PAPSS2: variants seen among roughly 807,000 people sequenced by gnomAD.
The protein encoded by PAPSS2 is bifunctional 3'-phosphoadenosine 5'-phosphosulfate synthase 2.
In PAPSS2, 61 loss-of-function variants were observed where a neutral mutation model predicts 66.5. The ratio of observed to expected loss-of-function variants is 0.92; its 90% confidence interval spans 0.75 to 1.14. PAPSS2 has a LOEUF of 1.14. Among genes scored for constraint, PAPSS2 ranks in the 50% most tolerant of loss-of-function variants. PAPSS2 has a pLI of 0.00. For synonymous variants in PAPSS2, 289 were observed against 287.5 expected (o/e 1.01, Z -0.05); for missense variants, 708 against 789.6 (o/e 0.90, Z 1.24).
At chr10:87,739,309 A>G (rs1433252486) in intron 9 of PAPSS2, among the ~76,000 whole-genome samples, 1 of 152,146 alleles carries the variant, frequency 6.6e-6, no homozygotes, top group Non-Finnish European at 1.5e-5. Flanking sequence ...GTCAAAGATT[A>G]TTTTTAAAAA....
chr10:87,694,719 A>T (rs1342250299), intron 1 of PAPSS2, among the ~76,000 whole-genome samples: 1 of 152,226 alleles, frequency 6.6e-6, no homozygotes, highest in Non-Finnish European at 1.5e-5. Flanking sequence ...TCTGTGGTTT[A>T]TAGGAAGTGA....
chr10:87,742,814 T>A (rs139518391), intron 10 of PAPSS2, among the ~76,000 whole-genome samples: 69 of 152,344 alleles, frequency 4.5e-4, no homozygotes, highest in Middle Eastern at 3.4e-3. Flanking sequence ...TGGCAACAAA[T>A]CTTTTCATTC....
At chr10:87,723,679 C>T (rs1853623877) in intron 8 of PAPSS2, among the ~76,000 whole-genome samples, 1 of 37,394 alleles carries the variant, frequency 2.7e-5, no homozygotes, top group African/African-American at 2.2e-4. Context: ...CCGGCAGTTG[C>T]TGTCTATTTC....
At chr10:87,686,341 CAA>C (rs1211559805) in intron 1 of PAPSS2, among the ~76,000 whole-genome samples, 9 of 58,182 alleles carry the variant, frequency 1.5e-4, no homozygotes, top group East Asian at 6.0e-4. Flanking sequence ...GGCAACTTTC[CAA>C]AAAAAAAAAA....
chr10:87,731,728 A>ACGGC (rs2131723325), intron 9 of PAPSS2, among the ~76,000 whole-genome samples: 1 of 152,340 alleles, frequency 6.6e-6, no homozygotes, highest in South Asian at 2.1e-4. Context: ...GTAACTGCAG[A>ACGGC]CGTGGTGGAA....
intron 1 of PAPSS2, among the ~76,000 whole-genome samples, chr10:87,682,344 A>AT (rs1853032694): frequency 6.6e-6 from 1 of 152,188 alleles, no homozygotes; most frequent in African/African-American, 2.4e-5. Flanking sequence ...CTTGAGGCTG[A>AT]TTTTTCCAGA....
intron 9 of PAPSS2, among the ~76,000 whole-genome samples, chr10:87,734,559 G>A (rs1367685279): frequency 6.6e-6 from 1 of 151,004 alleles, no homozygotes; most frequent in East Asian, 2.0e-4. Flanking sequence ...CTGTAAAACT[G>A]CCTTCTCTTC....
chr10:87,668,821 G>C (rs904959165), intron 1 of PAPSS2, among the ~76,000 whole-genome samples: 1 of 151,996 alleles, frequency 6.6e-6, no homozygotes, highest in Non-Finnish European at 1.5e-5. Context: ...GGCTTGACTG[G>C]GTGGGGATAC....
At chr10:87,712,239 A>G (rs914262438) in intron 2 of PAPSS2, among the ~76,000 whole-genome samples, 2 of 152,082 alleles carry the variant, frequency 1.3e-5, no homozygotes, top group Non-Finnish European at 2.9e-5. Context: ...TTTGAGAGTC[A>G]TTTTGGAAAC....
Position 87,706,084 on chromosome 10 carries a change from G to GTGTATATA in PAPSS2, c.28-3111_28-3110insGTATATAT, listed in dbSNP as rs1459705587. On this transcript the variant is annotated intron_variant, in intron 1 of 12. Coordinates refer to ENST00000456849, the MANE Select transcript of PAPSS2 (RefSeq NM_001015880.2). ...AGTGTGCTTTACGTTTCTTCACATG[G>GTGTATATA]TATATATATATATATATATATATAT... is the stretch of plus-strand genomic sequence containing the variant. Among the ~76,000 whole-genome samples, 17 of 60,184 alleles carry GTGTATATA rather than the reference G, an allele frequency of 2.8e-4. 1 individual carries two copies. The highest frequency in any genetic ancestry group is 1.3e-3 in the African/African-American group (14 of 10,910). The allele number at this position is 60,184 out of a possible 152,430, so 39.5% of individuals were successfully genotyped here. A position where few individuals can be genotyped will look rare whatever the true frequency, so the allele number is the denominator to read the frequency against.
chr10:87,666,144 A>C (rs1267791027), intron 1 of PAPSS2, among the ~76,000 whole-genome samples: 2 of 151,764 alleles, frequency 1.3e-5, no homozygotes, highest in Non-Finnish European at 2.9e-5. Context: ...TTGTATTTTT[A>C]GTTGAGACGG....
chr10:87,739,498 G>A (rs1274715564), intron 9 of PAPSS2, among the ~76,000 whole-genome samples: 6 of 152,110 alleles, frequency 3.9e-5, no homozygotes, highest in African/African-American at 1.4e-4. Flanking sequence ...CAAGTTGTCC[G>A]ATTTTTCCCC....
chr10:87,710,242 A>G (rs1023504992), intron 2 of PAPSS2, among the ~76,000 whole-genome samples: 1 of 152,166 alleles, frequency 6.6e-6, no homozygotes, highest in Non-Finnish European at 1.5e-5. Context: ...TTTCTGTCCC[A>G]ACTGGCCTCA....
At chr10:87,696,704 A>G (rs1179567460) in intron 1 of PAPSS2, among the ~76,000 whole-genome samples, 3 of 152,232 alleles carry the variant, frequency 2.0e-5, no homozygotes, top group Admixed American at 6.5e-5. Context: ...AAAGTTAGCT[A>G]TTTTAAGAAA....
At chr10:87,731,232 T>C (rs1164520784) in intron 9 of PAPSS2, among the ~76,000 whole-genome samples, 1 of 152,220 alleles carries the variant, frequency 6.6e-6, no homozygotes, top group African/African-American at 2.4e-5. Flanking sequence ...TCCTGTGCTC[T>C]ATAAATGGAA....
intron 1 of PAPSS2, among the ~76,000 whole-genome samples, chr10:87,681,127 A>G (rs1309529158): frequency 6.6e-6 from 1 of 152,222 alleles, no homozygotes; most frequent in African/African-American, 2.4e-5. Flanking sequence ...ACCACAGGAC[A>G]GCCCTCCAAC....
intron 9 of PAPSS2, among the ~76,000 whole-genome samples, chr10:87,738,666 A>G (rs1853830613): frequency 6.6e-6 from 1 of 152,136 alleles, no homozygotes; most frequent in South Asian, 2.1e-4. Flanking sequence ...AACTTGGCTC[A>G]TGCTGGGATT....
At chr10:87,711,804 T>G (rs150262295) in intron 2 of PAPSS2, among the ~76,000 whole-genome samples, 4 of 152,294 alleles carry the variant, frequency 2.6e-5, no homozygotes, top group African/African-American at 9.6e-5. Context: ...CTGCCCTTTT[T>G]CCTCTTTCCT....
At chr10:87,700,023 A>G (rs558605803) in intron 1 of PAPSS2, among the ~76,000 whole-genome samples, 10 of 152,246 alleles carry the variant, frequency 6.6e-5, no homozygotes, top group African/African-American at 2.4e-4. Flanking sequence ...ACTTTTTTCT[A>G]TATAGCCTTA....
Sources: gnomAD v4.1 joint callset for allele counts (sites outside exome capture counted in the v4.1 genomes callset) on GRCh38, gnomAD v4.1.1 for gene constraint, MANE v1.5 for transcripts, NCBI Gene and HGNC (gene_info 2026-07-23, HGNC 2026-07-21) for gene names.